Variants in KCND3 observed in about 807,000 individuals in gnomAD.
The protein encoded by KCND3 is A-type voltage-gated potassium channel KCND3.
In KCND3, 9 loss-of-function variants were observed where a neutral mutation model predicts 51.1. The ratio of observed to expected loss-of-function variants is 0.18; its 90% confidence interval spans 0.11 to 0.31. The LOEUF is 0.31. KCND3 is among the 10% of genes least tolerant of loss of function. KCND3 has a pLI of 1.00. For synonymous variants in KCND3, 349 were observed against 368.0 expected (o/e 0.95, Z 0.59); for missense variants, 526 against 903.8 (o/e 0.58, Z 5.36).
rs1674934595 is a variant in KCND3, at chr1:111,981,313, A to T, written c.1106+308T>A. On this transcript the variant is annotated intron_variant, in intron 2 of 7. Transcript: ENST00000302127. The surrounding 1 kb of genome is among the most constrained non-coding windows in gnomAD (Gnocchi z 6.2). ...CGCAAATGCATATACAAATGCAGAC[A>T]TCACCTCACCCCGAGACTTCACACG... Among the ~76,000 whole-genome samples, 2 of 152,132 alleles carry T rather than the reference A, an allele frequency of 1.3e-5. No individual in the cohort carries two copies. Among genetic ancestry groups the T allele is most frequent in the South Asian group, 4.2e-4 (2 of 4,810 alleles).
At chr1:111,798,280 A>G (rs180845809) in intron 2 of KCND3, among the ~76,000 whole-genome samples, 4 of 152,198 alleles carry the variant, frequency 2.6e-5, no homozygotes, top group East Asian at 1.9e-4. Flanking sequence ...CTTTCTCTCA[A>G]CTGGGAATGG....
intron 2 of KCND3, among the ~76,000 whole-genome samples, chr1:111,869,487 A>C (rs1232622368): frequency 6.6e-6 from 1 of 152,176 alleles, no homozygotes; most frequent in Non-Finnish European, 1.5e-5. Context: ...TGGCCCACAT[A>C]TTCTTCCAGG....
intron 2 of KCND3, among the ~76,000 whole-genome samples, chr1:111,811,242 C>T (rs1665832698): frequency 6.6e-6 from 1 of 152,156 alleles, no homozygotes; most frequent in African/African-American, 2.4e-5. Flanking sequence ...AGGATCAGTG[C>T]TTACTGAGTG....
Position 111,982,388 on chromosome 1 carries a change from G to A in KCND3, c.339C>T (p.Ala113=), listed in dbSNP as rs371366472. The change falls in exon 2 of 8, where the codon GCC becomes GCT. Residue 113 remains alanine (A), a synonymous_variant. Transcript: ENST00000302127. The surrounding 1 kb of genome is among the most constrained non-coding windows in gnomAD (Gnocchi z 8.5). ...LHYPRYECIS[A]YDDELAFYGI... is the part of the protein sequence containing the mutation. ...CGTAGAAGGCCAGCTCGTCGTCGTA[G>A]GCAGAGATGCACTCGTAGCGCGGGT... 4.3e-6 allele frequency: 7 copies of A among 1,614,210 alleles called. No homozygotes were observed. The African/African-American group carries it at 6.7e-5, about 15-fold the overall frequency.
chr1:111,962,939 G>C (rs1340144574), intron 2 of KCND3, among the ~76,000 whole-genome samples: 1 of 152,228 alleles, frequency 6.6e-6, no homozygotes, highest in Non-Finnish European at 1.5e-5. Flanking sequence ...CTGTCGTGCA[G>C]CTCTTGGGAA....
chr1:111,964,279 G>A (rs1673837895), intron 2 of KCND3, among the ~76,000 whole-genome samples: 1 of 152,200 alleles, frequency 6.6e-6, no homozygotes, highest in South Asian at 2.1e-4. Context: ...CAGCTGGGAC[G>A]CTGAGAGCAG....
At position 111,886,150 on chromosome 1, in the gene KCND3, G is replaced by A. The variant is rs1290848353; in HGVS notation, c.1106+95471C>T. On this transcript the variant is annotated intron_variant, in intron 2 of 7. Transcript: ENST00000302127. ...GATGAGTATAATATCAGGCTTGAGA[G>A]GTTCATGTGAAAATCAGGTAGGAGG... is the stretch of plus-strand genomic sequence containing the variant. Among the ~76,000 whole-genome samples the A allele has an allele frequency of 2.0e-5, 3 of 152,216 alleles. No individual in the cohort carries two copies. The South Asian group carries it at 6.2e-4, about 32-fold the overall frequency.
chr1:111,920,756 T>G (rs1671439658), intron 2 of KCND3, among the ~76,000 whole-genome samples: 1 of 152,208 alleles, frequency 6.6e-6, no homozygotes, highest in African/African-American at 2.4e-5. Flanking sequence ...GCTCTGTGTG[T>G]GCCCCAACAC....
intron 2 of KCND3, among the ~76,000 whole-genome samples, chr1:111,824,134 A>T (rs1388025135): frequency 1.3e-5 from 2 of 151,900 alleles, no homozygotes; most frequent in Non-Finnish European, 2.9e-5. Context: ...AAAAAAAAAA[A>T]AAGCTCAAAC....
At chr1:111,978,415 G>A (rs1051549583) in intron 2 of KCND3, among the ~76,000 whole-genome samples, 27 of 152,248 alleles carry the variant, frequency 1.8e-4, no homozygotes, top group African/African-American at 6.5e-4. Context: ...GCAACTGAAT[G>A]ATGGCAAGAT....
intron 2 of KCND3, among the ~76,000 whole-genome samples, chr1:111,961,141 G>C (rs74109759): frequency 0.013 from 2,045 of 152,330 alleles, 52 homozygotes; most frequent in African/African-American, 0.046. Context: ...GCAGCCAGGG[G>C]CTGGCGGCCA....
chr1:111,965,412 T>A (rs1295295125), intron 2 of KCND3, among the ~76,000 whole-genome samples: 1 of 113,034 alleles, frequency 8.8e-6, no homozygotes, highest in African/African-American at 3.3e-5. Flanking sequence ...CCCTCCTCCC[T>A]CCCCGACCCC....
intron 2 of KCND3, among the ~76,000 whole-genome samples, chr1:111,901,928 T>C (rs1670401412): frequency 6.6e-6 from 1 of 152,212 alleles, no homozygotes; most frequent in Non-Finnish European, 1.5e-5. Context: ...AGCCTCATTT[T>C]GCAGCTGAGA....
At chr1:111,806,335 T>G (rs887451445) in intron 2 of KCND3, among the ~76,000 whole-genome samples, 25 of 152,168 alleles carry the variant, frequency 1.6e-4, no homozygotes, top group Non-Finnish European at 1.9e-4. Context: ...GGCCCGGCCC[T>G]CCCATTCTCC....
At chr1:111,801,820 G>A (rs903005790) in intron 2 of KCND3, among the ~76,000 whole-genome samples, 1 of 152,164 alleles carries the variant, frequency 6.6e-6, no homozygotes, top group Admixed American at 6.5e-5. Context: ...AGAACCAGAA[G>A]TTATCCCTCT....
At chr1:111,839,152 T>C (rs561870050) in intron 2 of KCND3, among the ~76,000 whole-genome samples, 1 of 152,370 alleles carries the variant, frequency 6.6e-6, no homozygotes, top group South Asian at 2.1e-4. Context: ...TTGAAAAAGC[T>C]GTTTCCAGTC....
intron 2 of KCND3, among the ~76,000 whole-genome samples, chr1:111,980,284 A>G (rs1674878172): frequency 6.6e-6 from 1 of 151,036 alleles, no homozygotes; most frequent in Non-Finnish European, 1.5e-5. Context: ...CAGACAGATA[A>G]GAAGTAAAGG....
At chr1:111,964,674 G>A (rs1030244952) in intron 2 of KCND3, among the ~76,000 whole-genome samples, 1 of 152,286 alleles carries the variant, frequency 6.6e-6, no homozygotes, top group African/African-American at 2.4e-5. Flanking sequence ...TGAAATTCTA[G>A]GTGTTACTAG....
intron 2 of KCND3, among the ~76,000 whole-genome samples, chr1:111,919,385 G>A (rs989730623): frequency 6.6e-6 from 1 of 151,974 alleles, no homozygotes; most frequent in Non-Finnish European, 1.5e-5. Flanking sequence ...CTCTCCAAGG[G>A]TGTGACCTTT....
Sources: gnomAD v4.1 joint callset for allele counts (sites outside exome capture counted in the v4.1 genomes callset) on GRCh38, gnomAD v4.1.1 for gene constraint, Gnocchi (gnomAD v3.1) non-coding constraint, MANE v1.5 for transcripts, NCBI Gene and HGNC (gene_info 2026-07-23, HGNC 2026-07-21) for gene names.